KHDRBS2: variants seen among roughly 807,000 people sequenced by gnomAD.
KHDRBS2 encodes the protein KH RNA binding domain containing, signal transduction associated 2.
A neutral mutation model predicts 44.3 loss-of-function variants in KHDRBS2; 26 were observed. The ratio of observed to expected loss-of-function variants is 0.59; its 90% confidence interval spans 0.43 to 0.81. KHDRBS2 has a LOEUF of 0.81. Ranked by LOEUF, KHDRBS2 falls within the 40% of genes least tolerant of loss-of-function variation. KHDRBS2 has a pLI of 0.00. For synonymous variants in KHDRBS2, 194 were observed against 151.1 expected, an observed-to-expected ratio of 1.28 and a Z score of -2.08; for missense variants, 476 against 433.1, an observed-to-expected ratio of 1.10 and a Z score of -0.88.
At chr6:62,035,830 T>G (rs1440719057) in intron 3 of KHDRBS2, among the ~76,000 whole-genome samples, 1 of 152,022 alleles carries the variant, frequency 6.6e-6, no homozygotes, top group African/African-American at 2.4e-5. Context: ...AGCGTGGCTC[T>G]GGTCATTTTA....
At chr6:62,102,567 T>C (rs1320759453) in intron 2 of KHDRBS2, among the ~76,000 whole-genome samples, 1 of 152,162 alleles carries the variant, frequency 6.6e-6, no homozygotes, top group Non-Finnish European at 1.5e-5. Context: ...GAAATGTGTG[T>C]TTCGGCCCGT....
At chr6:62,065,889 T>A (rs1463952472) in intron 2 of KHDRBS2, among the ~76,000 whole-genome samples, 1 of 151,820 alleles carries the variant, frequency 6.6e-6, no homozygotes, top group Non-Finnish European at 1.5e-5. Context: ...CATACACAAT[T>A]CATGTACCAT....
At chr6:61,786,627 A>T (rs1284203585) in intron 6 of KHDRBS2, among the ~76,000 whole-genome samples, 1 of 151,932 alleles carries the variant, frequency 6.6e-6, no homozygotes, top group Non-Finnish European at 1.5e-5. Context: ...CTTGCAAGCA[A>T]GGGAATTAGG....
chr6:61,615,233 C>CAAAAAAAAAAAAAAAAAAAAAAAAAAA, the KHDRBS2 span, among the ~76,000 whole-genome samples: 8 of 58,592 alleles, frequency 1.4e-4, no homozygotes, highest in Non-Finnish European at 2.2e-4. Context: ...ACTCCATCTC[C>CAAAAAAAAAAAAAAAAAAAAAAAAAAA]AAAAAAAAAA....
chr6:62,229,210 G>A (rs1832462693), intron 1 of KHDRBS2, among the ~76,000 whole-genome samples: 1 of 152,126 alleles, frequency 6.6e-6, no homozygotes, highest in Non-Finnish European at 1.5e-5. Context: ...GGATGGAGTT[G>A]TCAGAGTTCC....
chr6:61,776,424 T>G (rs1782011814), intron 6 of KHDRBS2, among the ~76,000 whole-genome samples: 1 of 152,034 alleles, frequency 6.6e-6, no homozygotes, highest in African/African-American at 2.4e-5. Context: ...GAATCTACAA[T>G]GAACTCAAAC....
intron 3 of KHDRBS2, among the ~76,000 whole-genome samples, chr6:62,033,651 T>C (rs1197580334): frequency 6.6e-6 from 1 of 151,198 alleles, no homozygotes; most frequent in East Asian, 1.9e-4. Context: ...GACATTTATA[T>C]ATGCAATATA....
the KHDRBS2 span, among the ~76,000 whole-genome samples, chr6:61,645,780 G>C: frequency 6.6e-6 from 1 of 152,082 alleles, no homozygotes; most frequent in Non-Finnish European, 1.5e-5. Context: ...TTAACATCAT[G>C]TTTCCAATAC....
At chr6:61,708,302 A>G (rs563507529) in intron 7 of KHDRBS2, among the ~76,000 whole-genome samples, 1 of 151,734 alleles carries the variant, frequency 6.6e-6, no homozygotes, top group East Asian at 1.9e-4. Context: ...AGAAGCAGAA[A>G]TATCTCAACA....
chr6:61,847,502 C>T (rs1214125085), intron 6 of KHDRBS2, among the ~76,000 whole-genome samples: 1 of 152,048 alleles, frequency 6.6e-6, no homozygotes, highest in Non-Finnish European at 1.5e-5. Flanking sequence ...AACTCAATTA[C>T]CATGTAAAGT....
At chr6:62,212,232 A>G (rs1313054340) in intron 1 of KHDRBS2, among the ~76,000 whole-genome samples, 1 of 152,152 alleles carries the variant, frequency 6.6e-6, no homozygotes, top group African/African-American at 2.4e-5. Context: ...TGCTATACAT[A>G]ATATATGTAA....
At chr6:61,671,503 C>T in the KHDRBS2 span, among the ~76,000 whole-genome samples, 8 of 151,756 alleles carry the variant, frequency 5.3e-5, no homozygotes, top group South Asian at 2.1e-4. Flanking sequence ...AACAACATAT[C>T]AAGTAGAGTG....
At chr6:62,015,035 A>C (rs1780960427) in intron 3 of KHDRBS2, among the ~76,000 whole-genome samples, 1 of 152,176 alleles carries the variant, frequency 6.6e-6, no homozygotes, top group Non-Finnish European at 1.5e-5. Flanking sequence ...TATGAGGACA[A>C]ATCATAATCA....
intron 6 of KHDRBS2, among the ~76,000 whole-genome samples, chr6:61,862,377 G>A (rs761137521): frequency 1.3e-5 from 2 of 152,116 alleles, no homozygotes; most frequent in Non-Finnish European, 2.9e-5. Context: ...TGGTGACAGA[G>A]GGCATGCTTG....
chr6:61,959,473 T>C (rs1291719463), intron 4 of KHDRBS2, among the ~76,000 whole-genome samples: 3 of 152,192 alleles, frequency 2.0e-5, no homozygotes, highest in Non-Finnish European at 2.9e-5. Context: ...TCTGCTGAAA[T>C]CTCTTTACTT....
At chr6:62,004,088 A>T (rs937980393) in intron 3 of KHDRBS2, among the ~76,000 whole-genome samples, 1 of 152,206 alleles carries the variant, frequency 6.6e-6, no homozygotes, top group Non-Finnish European at 1.5e-5. Flanking sequence ...ATCAGAATTA[A>T]AGGAACTAGA....
chr6:62,116,047 A>G (rs1026060683), intron 2 of KHDRBS2, among the ~76,000 whole-genome samples: 2 of 152,092 alleles, frequency 1.3e-5, no homozygotes, highest in Non-Finnish European at 2.9e-5. Context: ...ATGACTTCAG[A>G]TATTTCATCA....
intron 4 of KHDRBS2, among the ~76,000 whole-genome samples, chr6:61,933,055 G>A (rs1461233181): frequency 6.6e-6 from 1 of 152,176 alleles, no homozygotes; most frequent in Non-Finnish European, 1.5e-5. Flanking sequence ...AAATAAAAGA[G>A]ATTTAACTGG....
At chr6:62,169,581 C>T (rs977302479) in intron 2 of KHDRBS2, among the ~76,000 whole-genome samples, 1 of 152,000 alleles carries the variant, frequency 6.6e-6, no homozygotes, top group African/African-American at 2.4e-5. Flanking sequence ...TGGGCAGTAG[C>T]CCTTATGGAA....
Sources: allele counts gnomAD v4.1 joint callset (sites outside exome capture counted in the v4.1 genomes callset), GRCh38; gene constraint gnomAD v4.1.1; transcripts MANE v1.5; gene names NCBI Gene and HGNC (gene_info 2026-07-23, HGNC 2026-07-21).